MEIS2: variants seen among roughly 807,000 people sequenced by gnomAD.
The protein encoded by MEIS2 is Meis homeobox 2.
Under a neutral mutation model 58.6 loss-of-function variants are expected in MEIS2, and 9 were observed. That is an observed-to-expected ratio of 0.15 (90% confidence interval 0.09 to 0.27). The LOEUF is 0.27. MEIS2 is among the 10% of genes least tolerant of loss of function. The pLI, the probability that MEIS2 is intolerant of heterozygous loss-of-function variation, is 1.00. For synonymous variants in MEIS2, 221 were observed against 228.4 expected, an observed-to-expected ratio of 0.97 and a Z score of 0.29; for missense variants, 427 against 635.0, an observed-to-expected ratio of 0.67 and a Z score of 3.52.
intron 8 of MEIS2, among the ~76,000 whole-genome samples, chr15:37,014,631 G>A (rs991687885): frequency 6.6e-6 from 1 of 152,118 alleles, no homozygotes; most frequent in Non-Finnish European, 1.5e-5. Flanking sequence ...GGCTGATGAC[G>A]GCACTCAGGC....
intron 9 of MEIS2, 109 bp downstream of exon 9, chr15:36,950,215 T>G (rs1309337269): frequency 1.0e-6 from 1 of 967,960 alleles, no homozygotes; most frequent in Admixed American, 2.2e-5. Context: ...ACAGAAGTTA[T>G]CCTCCTCGAT....
intron 8 of MEIS2, among the ~76,000 whole-genome samples, chr15:36,963,333 T>C (rs1022891619): frequency 2.0e-5 from 3 of 151,406 alleles, no homozygotes; most frequent in African/African-American, 7.3e-5. Context: ...TGAGCCGCGA[T>C]TGCGCCACTG....
At chr15:37,082,021 G>A (rs1246040919) in intron 7 of MEIS2, among the ~76,000 whole-genome samples, 1 of 151,992 alleles carries the variant, frequency 6.6e-6, no homozygotes, top group African/African-American at 2.4e-5. Flanking sequence ...TCTTCTCTCT[G>A]GCCCTTTCTT....
chr15:36,967,218 C>G (rs377472294), intron 8 of MEIS2, among the ~76,000 whole-genome samples: 2 of 152,264 alleles, frequency 1.3e-5, no homozygotes, highest in Admixed American at 6.5e-5. Flanking sequence ...CATGATATCA[C>G]TAGTATTTGT....
intron 7 of MEIS2, among the ~76,000 whole-genome samples, chr15:37,065,269 A>G (rs1211178956): frequency 6.6e-6 from 1 of 152,198 alleles, no homozygotes; most frequent in Non-Finnish European, 1.5e-5. Flanking sequence ...TGACACTACT[A>G]TAGGCACTGA....
At chr15:37,054,331 T>C (rs755717826) in intron 7 of MEIS2, among the ~76,000 whole-genome samples, 2 of 148,812 alleles carry the variant, frequency 1.3e-5, no homozygotes, top group African/African-American at 4.8e-5. Flanking sequence ...CCCTGACCTA[T>C]GAGAGGCCAG....
At chr15:37,009,025 T>C (rs112211756) in intron 8 of MEIS2, among the ~76,000 whole-genome samples, 5,352 of 152,110 alleles carry the variant, frequency 0.035, 319 homozygotes, top group African/African-American at 0.12. Context: ...CGTGGTGGCT[T>C]ACGCCTGTAA....
At chr15:36,901,086 A>C (rs577587051) in intron 9 of MEIS2, 1 of 152,356 alleles carries the variant, frequency 6.6e-6, no homozygotes, top group African/African-American at 2.4e-5. Flanking sequence ...TTGCGCAGGG[A>C]AGGGGACTGA....
chr15:37,027,067 T>C (rs2061731821), intron 8 of MEIS2, among the ~76,000 whole-genome samples: 1 of 152,192 alleles, frequency 6.6e-6, no homozygotes. Flanking sequence ...CTGCTGCCAA[T>C]CAATTTAGAA....
At chr15:37,095,773 G>T in intron 3 of MEIS2, 159 bp from the exon 4 acceptor site, 1 of 994,042 alleles carries the variant, frequency 1.0e-6, no homozygotes, top group Non-Finnish European at 1.5e-6. Flanking sequence ...TGGAGTCCCT[G>T]AAGAAGAATC....
intron 8 of MEIS2, among the ~76,000 whole-genome samples, chr15:36,980,760 T>C (rs2059905920): frequency 6.6e-6 from 1 of 152,216 alleles, no homozygotes; most frequent in African/African-American, 2.4e-5. Flanking sequence ...TAATCCATTT[T>C]GTTTTCTCCC....
At chr15:36,922,937 G>A (rs762401021) in intron 9 of MEIS2, among the ~76,000 whole-genome samples, 2 of 151,966 alleles carry the variant, frequency 1.3e-5, no homozygotes, top group Non-Finnish European at 2.9e-5. Context: ...AACTTTCTAC[G>A]CAGTGTTTTT....
chr15:36,989,814 T>C (rs1324949651), intron 8 of MEIS2, among the ~76,000 whole-genome samples: 2 of 152,244 alleles, frequency 1.3e-5, no homozygotes, highest in African/African-American at 4.8e-5. Context: ...GACCATTACA[T>C]GACAGTTGTT....
intron 6 of MEIS2, among the ~76,000 whole-genome samples, chr15:37,091,071 G>A (rs1893457265): frequency 6.6e-6 from 1 of 151,974 alleles, no homozygotes; most frequent in Admixed American, 6.6e-5. Flanking sequence ...GATTCAAATT[G>A]GGCACATTTA....
intron 1 of MEIS2, chr15:37,098,650 G>T: frequency 5.2e-6 from 1 of 193,806 alleles, no homozygotes; most frequent in Non-Finnish European, 9.6e-6. Context: ...CCCGCCGGAG[G>T]CAACAGAACC....
chr15:37,049,642 A>G (rs1006884019), intron 7 of MEIS2, among the ~76,000 whole-genome samples: 2 of 151,822 alleles, frequency 1.3e-5, no homozygotes, highest in African/African-American at 2.4e-5. Context: ...GTGCGCCACC[A>G]TGCCTGGCTA....
intron 8 of MEIS2, among the ~76,000 whole-genome samples, chr15:37,033,318 A>T (rs1248626124): frequency 6.6e-6 from 1 of 152,162 alleles, no homozygotes; most frequent in African/African-American, 2.4e-5. Flanking sequence ...TGAATGCATG[A>T]ATGTCAAAAT....
intron 7 of MEIS2, among the ~76,000 whole-genome samples, chr15:37,060,546 C>T (rs114149888): frequency 0.015 from 2,338 of 151,996 alleles, 58 homozygotes; most frequent in African/African-American, 0.053. Context: ...GTGCTCTATA[C>T]GTTTCATGGG....
chr15:37,080,395 C>A (rs1308282932), intron 7 of MEIS2, among the ~76,000 whole-genome samples: 1 of 152,062 alleles, frequency 6.6e-6, no homozygotes, highest in Admixed American at 6.6e-5. Flanking sequence ...AATTCACATG[C>A]GTAACTCCCA....
Sources: gnomAD v4.1 joint callset for allele counts (sites outside exome capture counted in the v4.1 genomes callset) on GRCh38, gnomAD v4.1.1 for gene constraint, MANE v1.5 for transcripts, NCBI Gene and HGNC (gene_info 2026-07-23, HGNC 2026-07-21) for gene names.